Variants in THSD7B observed in about 807,000 individuals in gnomAD.
The protein encoded by THSD7B is thrombospondin type 1 domain containing 7B.
Under a neutral mutation model 213.6 loss-of-function variants are expected in THSD7B, and 138 were observed. The ratio of observed to expected loss-of-function variants is 0.65; its 90% confidence interval spans 0.56 to 0.74. The LOEUF is 0.74. THSD7B is among the 30% of genes least tolerant of loss of function. THSD7B has a pLI of 0.00. For missense variants in THSD7B, 1,931 were observed against 1,991.5 expected (o/e 0.97, Z 0.58); for synonymous variants, 742 against 687.0 (o/e 1.08, Z -1.25).
At chr2:137,094,806 G>A (rs1331971987) in intron 3 of THSD7B, 67 bp from the exon 4 acceptor site, 2 of 1,522,068 alleles carry the variant, frequency 1.3e-6, no homozygotes, top group South Asian at 1.3e-5. Flanking sequence ...CTCATGGTAG[G>A]CACTTTATAA....
At chr2:137,262,734 A>C (rs2105084306) in intron 10 of THSD7B, among the ~76,000 whole-genome samples, 1 of 152,316 alleles carries the variant, frequency 6.6e-6, no homozygotes, top group East Asian at 1.9e-4. Context: ...TGGATGCATA[A>C]GAAACTCTTC....
chr2:137,648,041 C>T (rs139603923), intron 21 of THSD7B, among the ~76,000 whole-genome samples: 28 of 152,126 alleles, frequency 1.8e-4, no homozygotes, highest in African/African-American at 5.8e-4. Flanking sequence ...TGACTAAAAT[C>T]GAAGATACTC....
chr2:137,579,036 T>G (rs371025055), intron 17 of THSD7B, among the ~76,000 whole-genome samples: 24 of 152,130 alleles, frequency 1.6e-4, no homozygotes, highest in African/African-American at 5.6e-4. Context: ...TTTCAGAGAA[T>G]ATTATCTGGA....
intron 9 of THSD7B, among the ~76,000 whole-genome samples, chr2:137,240,713 C>A (rs1376409594): frequency 6.6e-6 from 1 of 152,154 alleles, no homozygotes; most frequent in Non-Finnish European, 1.5e-5. Context: ...CAGGGTCTGG[C>A]TGTGTTGCCC....
chr2:137,418,983 C>T (rs964166139), intron 14 of THSD7B, among the ~76,000 whole-genome samples: 3 of 151,856 alleles, frequency 2.0e-5, no homozygotes, highest in African/African-American at 7.3e-5. Flanking sequence ...TCTGGGCTCA[C>T]TGCAACCACT....
intron 12 of THSD7B, among the ~76,000 whole-genome samples, chr2:137,393,326 A>G (rs1439399810): frequency 1.1e-4 from 15 of 132,776 alleles, no homozygotes; most frequent in African/African-American, 3.7e-4. Flanking sequence ...CCACCCCACC[A>G]CAGCCCCCAT....
At chr2:136,908,922 T>A (rs1018035557) in intron 2 of THSD7B, among the ~76,000 whole-genome samples, 6 of 152,186 alleles carry the variant, frequency 3.9e-5, no homozygotes, top group African/African-American at 1.4e-4. Flanking sequence ...GGCTAACACC[T>A]GTAATCCCAG....
chr2:137,673,767 C>T (rs1683632766), intron 27 of THSD7B, among the ~76,000 whole-genome samples: 1 of 152,112 alleles, frequency 6.6e-6, no homozygotes, highest in Admixed American at 6.6e-5. Context: ...CTACCATGTT[C>T]AGTGGTCCAG....
chr2:137,244,768 T>C (rs1273416102), intron 10 of THSD7B, among the ~76,000 whole-genome samples: 1 of 152,168 alleles, frequency 6.6e-6, no homozygotes, highest in African/African-American at 2.4e-5. Context: ...TTCTTCCAGC[T>C]TTCCATTTCA....
intron 12 of THSD7B, among the ~76,000 whole-genome samples, chr2:137,331,501 G>A (rs1684505578): frequency 1.3e-5 from 2 of 152,226 alleles, no homozygotes; most frequent in Admixed American, 1.3e-4. Flanking sequence ...CTGACATAAA[G>A]GTTCTCCACG....
intron 12 of THSD7B, among the ~76,000 whole-genome samples, chr2:137,316,832 G>A (rs1303197704): frequency 6.6e-6 from 1 of 151,976 alleles, no homozygotes; most frequent in Non-Finnish European, 1.5e-5. Context: ...GATGGGGAGA[G>A]GATGGGGAGG....
In THSD7B at chr2:137,167,439, C is replaced by T. The variant is rs1378461870; in HGVS notation, c.1526-3302C>T. Among the ~76,000 whole-genome samples the T allele has an allele frequency of 5.3e-5, 8 of 151,990 alleles. No individual in the cohort carries two copies. The South Asian group carries it at 1.0e-3, about 20-fold the overall frequency. ...GCTGGAACCTGCTGGACTTTCTTCA[C>T]GCCTGTCCCAATGGAGTCGGTGTTG... On this transcript the variant is annotated intron_variant, in intron 6 of 27. Transcript: ENST00000409968.
At chr2:137,353,433 T>A (rs1220732773) in intron 12 of THSD7B, among the ~76,000 whole-genome samples, 1 of 152,082 alleles carries the variant, frequency 6.6e-6, no homozygotes, top group Non-Finnish European at 1.5e-5. Context: ...TCCCCGTGTA[T>A]CCTTCACTGA....
chr2:136,998,398 C>T (rs908225589), intron 2 of THSD7B, among the ~76,000 whole-genome samples: 3 of 151,904 alleles, frequency 2.0e-5, no homozygotes, highest in South Asian at 2.1e-4. Flanking sequence ...TAGTGCAACA[C>T]GTATAAATTT....
At chr2:137,064,511 A>C (rs1216397990) in intron 3 of THSD7B, among the ~76,000 whole-genome samples, 1 of 151,832 alleles carries the variant, frequency 6.6e-6, no homozygotes, top group Non-Finnish European at 1.5e-5. Flanking sequence ...TTTTAACTTG[A>C]TGTGATATAA....
intron 17 of THSD7B, among the ~76,000 whole-genome samples, chr2:137,589,640 G>A (rs1057312361): frequency 2.0e-5 from 3 of 152,086 alleles, no homozygotes; most frequent in Non-Finnish European, 2.9e-5. Flanking sequence ...TTTTACATTT[G>A]CTCTTGCATA....
Position 137,160,310 on chromosome 2 carries a change from C to T in THSD7B, c.1467C>T (p.Ser489=), listed in dbSNP as rs768657068. 2.5e-6 allele frequency: 4 copies of T among 1,613,704 alleles called. No homozygotes were observed. Among genetic ancestry groups the T allele is most frequent in the Non-Finnish European group, 3.4e-6 (4 of 1,179,742 alleles). Residue 489 remains serine, a synonymous_variant, in exon 6 of 28, where the codon TCC becomes TCT. Transcript: ENST00000409968. The part of the protein sequence containing the change: ...IPCSTDCIVS[S]WSAWGLCIHE... ...GCTCTACGGACTGCATAGTATCTTC[C>T]TGGTCAGCCTGGGGCCTGTGCATCC...
chr2:137,537,149 C>T (rs1021371182), intron 15 of THSD7B, among the ~76,000 whole-genome samples: 5 of 151,708 alleles, frequency 3.3e-5, no homozygotes, highest in African/African-American at 1.2e-4. Flanking sequence ...CAGTCATCAT[C>T]AAGCTTTGGT....
intron 15 of THSD7B, among the ~76,000 whole-genome samples, chr2:137,562,176 A>G (rs1681132378): frequency 6.6e-6 from 1 of 152,188 alleles, no homozygotes; most frequent in African/African-American, 2.4e-5. Flanking sequence ...GTTATCATTT[A>G]CAATTTTATG....
Sources: gnomAD v4.1 joint callset for allele counts (sites outside exome capture counted in the v4.1 genomes callset) on GRCh38, gnomAD v4.1.1 for gene constraint, MANE v1.5 for transcripts, NCBI Gene and HGNC (gene_info 2026-07-23, HGNC 2026-07-21) for gene names.